Variants in RAP1GDS1 observed in about 807,000 individuals in gnomAD.
RAP1GDS1 encodes the protein RAP1, GTP-GDP dissociation stimulator 1.
RAP1GDS1 carries 35 observed loss-of-function variants against 71.1 expected under a neutral mutation model. That is an observed-to-expected ratio of 0.49 (90% CI 0.38 to 0.65). The LOEUF (loss-of-function observed/expected upper bound fraction) is 0.65. Among genes scored for constraint, RAP1GDS1 ranks in the 30% least tolerant of loss-of-function variants. The pLI is 0.00. For missense variants in RAP1GDS1, 663 were observed against 706.1 expected (o/e 0.94, Z 0.69); for synonymous variants, 229 against 243.1 (o/e 0.94, Z 0.54).
chr4:98,391,886 C>CTTATAATGTTCATT, intron 5 of RAP1GDS1, 66 bp from the exon 6 acceptor site: 1 of 1,408,516 alleles, frequency 7.1e-7, no homozygotes, highest in South Asian at 1.5e-5. Context: ...GTGTTTTCTT[C>CTTATAATGTTCATT]TTATAATGTT....
chr4:98,343,573 T>C (rs1182512768), intron 3 of RAP1GDS1, among the ~76,000 whole-genome samples: 1 of 152,192 alleles, frequency 6.6e-6, no homozygotes, highest in Non-Finnish European at 1.5e-5. Flanking sequence ...TCATCTTTAT[T>C]GCCATAAGAG....
intron 6 of RAP1GDS1, among the ~76,000 whole-genome samples, chr4:98,398,919 A>G (rs953834914): frequency 3.9e-5 from 6 of 152,220 alleles, no homozygotes; most frequent in Non-Finnish European, 8.8e-5. Context: ...GGGAAACTGA[A>G]GAGAATACCA....
intron 5 of RAP1GDS1, among the ~76,000 whole-genome samples, chr4:98,380,533 TTTTCC>T (rs1381971654): frequency 6.6e-6 from 1 of 151,740 alleles, no homozygotes; most frequent in Non-Finnish European, 1.5e-5. Context: ...TTACATCTGT[TTTTCC>T]TTCCTTCTGG....
chr4:98,289,905 T>A (rs1726674743), intron 1 of RAP1GDS1, among the ~76,000 whole-genome samples: 1 of 150,140 alleles, frequency 6.7e-6, no homozygotes, highest in African/African-American at 2.4e-5. Flanking sequence ...ACAGAAATAT[T>A]TTTTTTTTTG....
intron 6 of RAP1GDS1, among the ~76,000 whole-genome samples, chr4:98,397,293 C>G (rs563965645): frequency 6.6e-6 from 1 of 151,994 alleles, no homozygotes; most frequent in Non-Finnish European, 1.5e-5. Context: ...ATGGAATAAA[C>G]AGAATGAGAC....
At chr4:98,350,134 T>C (rs1026518460) in intron 3 of RAP1GDS1, among the ~76,000 whole-genome samples, 1 of 152,176 alleles carries the variant, frequency 6.6e-6, no homozygotes, top group Non-Finnish European at 1.5e-5. Context: ...AGCTATTGAT[T>C]GTAGAGTCCA....
At chr4:98,416,714 G>A in intron 7 of RAP1GDS1, 31 bp from the exon 8 acceptor site, 1 of 1,557,576 alleles carries the variant, frequency 6.4e-7, no homozygotes, top group Non-Finnish European at 8.8e-7. Context: ...TTATCTCAAA[G>A]TTTGATTATT....
At chr4:98,356,275 A>G (rs1737957796) in intron 4 of RAP1GDS1, among the ~76,000 whole-genome samples, 1 of 152,116 alleles carries the variant, frequency 6.6e-6, no homozygotes, top group Non-Finnish European at 1.5e-5. Context: ...CAAAGGTTTT[A>G]TAAAAAAGAG....
chr4:98,431,058 G>A (rs2110211850), intron 12 of RAP1GDS1, among the ~76,000 whole-genome samples: 1 of 152,214 alleles, frequency 6.6e-6, no homozygotes, highest in South Asian at 2.1e-4. Flanking sequence ...GAGAAATATA[G>A]GTTGCCTTTA....
rs890171384 is a variant in RAP1GDS1 at position 98,293,335 on chromosome 4, T to A, written c.5-73T>A. The A allele has an allele frequency of 6.1e-6, 6 of 990,844 alleles. No individual in the cohort carries two copies. The East Asian group carries it at 1.5e-4, about 24-fold the overall frequency. 61.4% of individuals were successfully genotyped at this position (990,844 alleles called of 1,614,324 possible). ...GGAAGCTCTCCAGTTTAGTGGTAAC[T>A]GTTTATCCTTTTGTCATGTAACATA... On this transcript the variant is annotated intron_variant, in intron 1 of 14. Coordinates refer to ENST00000408927, the MANE Select transcript of RAP1GDS1 (RefSeq NM_001100427.2).
intron 1 of RAP1GDS1, among the ~76,000 whole-genome samples, chr4:98,288,270 G>A (rs1016815956): frequency 3.3e-5 from 5 of 152,138 alleles, no homozygotes; most frequent in Non-Finnish European, 7.3e-5. Flanking sequence ...CTATGAGTGA[G>A]AACATGCGGT....
chr4:98,414,795 A>AT (rs1578799663), intron 7 of RAP1GDS1, among the ~76,000 whole-genome samples: 2 of 152,096 alleles, frequency 1.3e-5, no homozygotes, highest in East Asian at 3.9e-4. Context: ...GAATCTGTAA[A>AT]TTACCTTGGG....
chr4:98,406,727 A>G (rs1051767321), intron 7 of RAP1GDS1, among the ~76,000 whole-genome samples: 1 of 152,104 alleles, frequency 6.6e-6, no homozygotes, highest in African/African-American at 2.4e-5. Context: ...GAAACATTTA[A>G]GAACATGTAT....
At chr4:98,381,284 A>G (rs1020819318) in intron 5 of RAP1GDS1, among the ~76,000 whole-genome samples, 3 of 151,650 alleles carry the variant, frequency 2.0e-5, no homozygotes, top group Non-Finnish European at 4.4e-5. Flanking sequence ...AGTATTTTTA[A>G]GAAACAAATG....
In RAP1GDS1 at chr4:98,343,226, A is replaced by G. The variant is rs1323710724; in HGVS notation, c.200A>G (p.Lys67Arg). ...LLTPQSSCKAKVANIIAEVAK... is the reference protein window; with the variant it reads ...LLTPQSSCKARVANIIAEVAK... ...ACTCCACAGTCTTCCTGCAAAGCCA[A>G]AGTAGCTAACATCATAGCAGAAGTA... is the stretch of plus-strand genomic sequence containing the variant. The change falls in exon 3 of 15, where the codon AAA becomes AGA. Residue 67 changes from lysine (K) to arginine (R), a missense_variant. Coordinates refer to ENST00000408927, the MANE Select transcript of RAP1GDS1 (RefSeq NM_001100427.2). 10 of 1,605,916 alleles carry G rather than the reference A, an allele frequency of 6.2e-6. No individual in the cohort carries two copies. In the Admixed American group the frequency reaches 6.7e-5, roughly 11 times the overall value.
At chr4:98,268,425 T>C (rs1722989923) in intron 1 of RAP1GDS1, among the ~76,000 whole-genome samples, 1 of 152,068 alleles carries the variant, frequency 6.6e-6, no homozygotes, top group Admixed American at 6.6e-5. Flanking sequence ...GGATGCCCAC[T>C]CTTGCCACTG....
chr4:98,410,178 AGAGAATATAATTATAACATATAACT>A (rs1746826939), intron 7 of RAP1GDS1, among the ~76,000 whole-genome samples: 1 of 152,192 alleles, frequency 6.6e-6, no homozygotes, highest in South Asian at 2.1e-4. Flanking sequence ...AGACTGGATG[AGAGAATATAATTATAACATATAACT>A]GACAGAGGGC....
chr4:98,415,621 A>C (rs1747835579), intron 7 of RAP1GDS1, among the ~76,000 whole-genome samples: 1 of 152,214 alleles, frequency 6.6e-6, no homozygotes, highest in Non-Finnish European at 1.5e-5. Context: ...TGTTATAATG[A>C]AAGAATACTT....
chr4:98,296,219 T>G (rs995556668), intron 2 of RAP1GDS1, among the ~76,000 whole-genome samples: 29 of 152,042 alleles, frequency 1.9e-4, no homozygotes, highest in African/African-American at 7.0e-4. Context: ...TAAACAAAAT[T>G]TTATTTTACA....
Sources: allele counts gnomAD v4.1 joint callset (sites outside exome capture counted in the v4.1 genomes callset), GRCh38; gene constraint gnomAD v4.1.1; transcripts MANE v1.5; gene names NCBI Gene and HGNC (gene_info 2026-07-23, HGNC 2026-07-21).